SPATA17: variants seen among roughly 807,000 people sequenced by gnomAD.
SPATA17 encodes spermatogenesis associated 17.
In SPATA17, 53 loss-of-function variants were observed where a neutral mutation model predicts 62.2. The observed-to-expected ratio is 0.85, with a 90% CI of 0.68 to 1.07. The LOEUF (loss-of-function observed/expected upper bound fraction) is 1.07. Ranked by LOEUF, SPATA17 falls within the 50% of genes least tolerant of loss-of-function variation. The pLI, the probability that SPATA17 is intolerant of heterozygous loss-of-function variation, is 0.00. For synonymous variants in SPATA17, 146 were observed against 146.8 expected (o/e 0.99, Z 0.04); for missense variants, 466 against 425.5 (o/e 1.10, Z -0.84).
chr1:217,776,510 C>T (rs1038572990), intron 7 of SPATA17, among the ~76,000 whole-genome samples: 2 of 151,818 alleles, frequency 1.3e-5, no homozygotes, highest in African/African-American at 4.8e-5. Flanking sequence ...TTGGTGAGTT[C>T]CTCTTACTCA....
rs184962542 is a variant in SPATA17, at chr1:217,682,943, C to T, written c.292-315C>T. 4.6e-5 allele frequency among the ~76,000 whole-genome samples: 7 copies of T among 151,650 alleles called. No individual in the cohort carries two copies. In the East Asian group the frequency reaches 1.4e-3, roughly 29 times the overall value. On this transcript the variant is annotated intron_variant, in intron 4 of 10. Coordinates refer to ENST00000366933, the MANE Select transcript of SPATA17 (RefSeq NM_138796.4). Reference sequence around the variant, plus strand: ...CTATGAAAAAAAAAATTGATTTGCCCAGGAAGTGGAAATGGTAGGAATTTG... The same window carrying T: ...CTATGAAAAAAAAAATTGATTTGCCTAGGAAGTGGAAATGGTAGGAATTTG...
At chr1:217,833,447 T>C (rs1675192757) in intron 9 of SPATA17, among the ~76,000 whole-genome samples, 1 of 152,176 alleles carries the variant, frequency 6.6e-6, no homozygotes, top group African/African-American at 2.4e-5. Flanking sequence ...AAATCAGATA[T>C]TACGAGTGCA....
rs1912435 is a variant in SPATA17, at chr1:217,801,717, G to T, written c.873-1G>T. On this transcript the variant is annotated splice_acceptor_variant, in intron 8 of 10. Transcript: ENST00000366933. LOFTEE classifies it high-confidence loss of function. ...GAATAGCTCTTAAATATTTCTTTCA[G>T]GTTTTTGCCATTTTCTTCATACCAT... is the stretch of plus-strand genomic sequence containing the variant. The T allele has an allele frequency of 6.3e-7, 1 of 1,590,726 alleles. No individual in the cohort carries two copies. The highest frequency in any genetic ancestry group is 2.2e-5 in the East Asian group (1 of 44,574).
intron 9 of SPATA17, among the ~76,000 whole-genome samples, chr1:217,827,053 A>G (rs946053242): frequency 3.3e-5 from 5 of 151,938 alleles, no homozygotes; most frequent in Non-Finnish European, 5.9e-5. Flanking sequence ...GATATTCTAA[A>G]TCTCTAATGC....
At chr1:217,790,956 A>G (rs1467697340) in intron 8 of SPATA17, among the ~76,000 whole-genome samples, 3 of 152,188 alleles carry the variant, frequency 2.0e-5, no homozygotes, top group South Asian at 4.1e-4. Context: ...TGACTTGTGT[A>G]GTTTTTTCAG....
chr1:217,695,105 T>C (rs993293149), intron 5 of SPATA17, among the ~76,000 whole-genome samples: 1 of 108,696 alleles, frequency 9.2e-6, no homozygotes, highest in African/African-American at 3.7e-5. Flanking sequence ...CTTGGTTCCA[T>C]TCTCCGCATC....
chr1:217,824,431 C>A (rs1023275247), intron 9 of SPATA17, among the ~76,000 whole-genome samples: 2 of 150,986 alleles, frequency 1.3e-5, no homozygotes, highest in Non-Finnish European at 3.0e-5. Flanking sequence ...ACAATAAATT[C>A]TCCATCAGTT....
chr1:217,754,605 G>C (rs969884524), intron 6 of SPATA17, among the ~76,000 whole-genome samples: 1 of 152,062 alleles, frequency 6.6e-6, no homozygotes, highest in South Asian at 2.1e-4. Context: ...GGTTTGTCAG[G>C]TTATGATTTA....
chr1:217,702,995 G>A (rs1025367756), intron 5 of SPATA17, among the ~76,000 whole-genome samples: 1 of 151,250 alleles, frequency 6.6e-6, no homozygotes, highest in Non-Finnish European at 1.5e-5. Flanking sequence ...TTCTGCCTCA[G>A]CCTCCTGAGT....
At chr1:217,717,339 G>T (rs1429859038) in intron 5 of SPATA17, among the ~76,000 whole-genome samples, 1 of 152,168 alleles carries the variant, frequency 6.6e-6, no homozygotes, top group Non-Finnish European at 1.5e-5. Flanking sequence ...GCCAGGCACG[G>T]TGGCTCACAC....
intron 5 of SPATA17, among the ~76,000 whole-genome samples, chr1:217,724,819 TTC>T (rs1391396069): frequency 1.3e-5 from 2 of 152,154 alleles, no homozygotes; most frequent in Non-Finnish European, 2.9e-5. Context: ...TTTATATTTG[TTC>T]TGTTTGCCTA....
At chr1:217,744,356 G>A (rs12741196) in intron 6 of SPATA17, among the ~76,000 whole-genome samples, 4,662 of 93,914 alleles carry the variant, frequency 0.05, 1,390 homozygotes, top group South Asian at 0.099. Context: ...CCAGCTACTT[G>A]GGAGGCTGAG....
At chr1:217,831,823 C>T (rs1675149884) in intron 9 of SPATA17, among the ~76,000 whole-genome samples, 1 of 152,074 alleles carries the variant, frequency 6.6e-6, no homozygotes, top group Non-Finnish European at 1.5e-5. Context: ...TTAGCATTTA[C>T]CATATACTTG....
intron 4 of SPATA17, among the ~76,000 whole-genome samples, chr1:217,679,945 G>A (rs573293828): frequency 1.1e-4 from 16 of 151,948 alleles, no homozygotes; most frequent in African/African-American, 1.7e-4. Flanking sequence ...TCATAAACTC[G>A]CATCATTCTT....
At chr1:217,648,341 A>G (rs1356624650) in intron 1 of SPATA17, among the ~76,000 whole-genome samples, 1 of 152,128 alleles carries the variant, frequency 6.6e-6, no homozygotes, top group East Asian at 1.9e-4. Flanking sequence ...TGAATTTCTT[A>G]TCTCTATATA....
intron 4 of SPATA17, among the ~76,000 whole-genome samples, chr1:217,676,022 A>C (rs1450410477): frequency 1.3e-5 from 2 of 152,172 alleles, no homozygotes; most frequent in Non-Finnish European, 2.9e-5. Context: ...CTGATAATTC[A>C]TGAGCATCCT....
At chr1:217,788,995 C>A (rs1212585782) in intron 8 of SPATA17, among the ~76,000 whole-genome samples, 1 of 152,088 alleles carries the variant, frequency 6.6e-6, no homozygotes, top group Non-Finnish European at 1.5e-5. Context: ...CCTAGGGATT[C>A]AAGAGTCTTC....
At chr1:217,742,344 G>T (rs764840766) in intron 6 of SPATA17, among the ~76,000 whole-genome samples, 1 of 152,202 alleles carries the variant, frequency 6.6e-6, no homozygotes, top group Non-Finnish European at 1.5e-5. Flanking sequence ...GATCTGCCAC[G>T]GTGATAACAC....
At chr1:217,705,859 G>A (rs1671721579) in intron 5 of SPATA17, among the ~76,000 whole-genome samples, 1 of 152,112 alleles carries the variant, frequency 6.6e-6, no homozygotes, top group South Asian at 2.1e-4. Context: ...ATAGTTTTAG[G>A]TTTTACATTT....
Sources: gnomAD v4.1 joint callset for allele counts (sites outside exome capture counted in the v4.1 genomes callset) on GRCh38, gnomAD v4.1.1 for gene constraint, MANE v1.5 for transcripts, NCBI Gene and HGNC (gene_info 2026-07-23, HGNC 2026-07-21) for gene names.